SLC9B2: variants seen among roughly 807,000 people sequenced by gnomAD.
The protein encoded by SLC9B2 is sodium/hydrogen exchanger 9B2.
Under a neutral mutation model 52.2 loss-of-function variants are expected in SLC9B2, and 39 were observed. The observed-to-expected ratio is 0.75, with a 90% CI of 0.58 to 0.98. The LOEUF (loss-of-function observed/expected upper bound fraction) is 0.98, where lower values mean the gene tolerates loss of function less well. Among genes scored for constraint, SLC9B2 ranks in the 50% least tolerant of loss-of-function variants. The probability of loss-of-function intolerance (pLI) is 0.00; values close to 1 mark genes in which losing one functional copy is unlikely to be tolerated. For synonymous variants in SLC9B2, 214 were observed against 227.0 expected, an observed-to-expected ratio of 0.94 and a Z score of 0.51; for missense variants, 626 against 637.5, an observed-to-expected ratio of 0.98 and a Z score of 0.19.
chr4:103,059,053 C>T (rs532992806), intron 3 of SLC9B2, among the ~76,000 whole-genome samples: 5 of 151,984 alleles, frequency 3.3e-5, no homozygotes, highest in South Asian at 2.1e-4. Context: ...TGTTACACAG[C>T]GATACCCTGC....
At chr4:103,063,804 G>A (rs1411090289) in intron 3 of SLC9B2, among the ~76,000 whole-genome samples, 1 of 152,156 alleles carries the variant, frequency 6.6e-6, no homozygotes, top group Non-Finnish European at 1.5e-5. Context: ...CTGGCAAGGA[G>A]TTAATGTCCA....
intron 6 of SLC9B2, chr4:103,048,525 T>C (rs72939322): frequency 0.018 from 2,825 of 158,434 alleles, 77 homozygotes; most frequent in African/African-American, 0.06. Flanking sequence ...ACAGCAGAAC[T>C]GCCAAGTCAT....
intron 3 of SLC9B2, 53 bp downstream of exon 3, chr4:103,066,274 C>T (rs1746110575): frequency 6.4e-7 from 1 of 1,560,520 alleles, no homozygotes; most frequent in Non-Finnish European, 8.7e-7. Context: ...ATTTAGTAAT[C>T]TGCCATTATA....
intron 9 of SLC9B2, among the ~76,000 whole-genome samples, chr4:103,039,649 CTTTT>C (rs11464004): frequency 3.9e-5 from 5 of 129,172 alleles, no homozygotes; most frequent in Admixed American, 8.0e-5. Context: ...ATGGTATATT[CTTTT>C]TTTTTTTTTT....
chr4:103,068,267 C>A (rs769623016), intron 1 of SLC9B2, among the ~76,000 whole-genome samples: 3 of 152,184 alleles, frequency 2.0e-5, no homozygotes, highest in Admixed American at 2.0e-4. Context: ...GCTCAATAAA[C>A]ACTCACTTCA....
intron 4 of SLC9B2, among the ~76,000 whole-genome samples, chr4:103,053,634 C>T (rs1384277690): frequency 6.6e-6 from 1 of 152,042 alleles, no homozygotes; most frequent in African/African-American, 2.4e-5. Context: ...CTTTTTAAAA[C>T]TTCTGATGTC....
At chr4:103,057,273 T>TATATAC (rs1220375909) in intron 4 of SLC9B2, among the ~76,000 whole-genome samples, 142 of 143,256 alleles carry the variant, frequency 9.9e-4, no homozygotes, top group Admixed American at 2.5e-3. Flanking sequence ...TATATATATA[T>TATATAC]ACACACACAC....
Position 103,064,650 on chromosome 4 carries a change from A to G in SLC9B2, c.271+1677T>C, listed in dbSNP as rs560006473. On this transcript the variant is annotated intron_variant, in intron 3 of 11. Transcript: ENST00000394785. ...ACAGAAGATTTTCTATGTTCTCACC[A>G]TGAAGAAACGATAAATGCTTCATGT... is the stretch of plus-strand genomic sequence containing the variant. Among the ~76,000 whole-genome samples, 6 of 152,330 alleles carry G rather than the reference A, an allele frequency of 3.9e-5. No homozygotes were observed. The South Asian group carries it at 1.2e-3, about 32-fold the overall frequency.
intron 6 of SLC9B2, 145 bp downstream of exon 6, chr4:103,048,735 CTATGTTTTGAAGT>C (rs1218257859): frequency 7.6e-6 from 7 of 924,554 alleles, no homozygotes; most frequent in Non-Finnish European, 1.1e-5. Context: ...AACACATAAA[CTATGTTTTGAAGT>C]TAGAATATTT....
chr4:103,062,373 C>T (rs1039357765), intron 3 of SLC9B2, among the ~76,000 whole-genome samples: 21 of 149,930 alleles, frequency 1.4e-4, no homozygotes, highest in African/African-American at 5.2e-4. Flanking sequence ...GAGCCGAGAT[C>T]GAGCCATTGC....
At chr4:103,019,628 C>T (rs1741646317), downstream of SLC9B2, 1 of 985,500 alleles carries the variant, frequency 1.0e-6, no homozygotes, top group Non-Finnish European at 1.2e-6. Flanking sequence ...CCTCGCTGGC[C>T]CGGGAGCGGC....
rs1165845753 is a variant in SLC9B2, at chr4:103,023,470, G to T, written c.*2900C>A. Among the ~76,000 whole-genome samples the T allele has an allele frequency of 6.6e-6, 1 of 152,168 alleles. No homozygotes were observed. The highest frequency in any genetic ancestry group is 1.5e-5 in the Non-Finnish European group (1 of 68,040). On this transcript the variant is annotated 3_prime_UTR_variant, in exon 12 of 12. Coordinates refer to ENST00000394785, the MANE Select transcript of SLC9B2 (RefSeq NM_178833.7). ...GTTCACCAACCAAGTCAAGAGATGT[G>T]GCTTTCAATGTGGTGACAAACCCCG...
chr4:103,049,486 GA>G (rs918871877), intron 5 of SLC9B2, among the ~76,000 whole-genome samples: 15 of 151,886 alleles, frequency 9.9e-5, no homozygotes, highest in South Asian at 8.3e-4. Flanking sequence ...AAACATACAT[GA>G]AAAAAAAGCA....
At chr4:103,018,671 G>A (rs1458989185), downstream of SLC9B2, among the ~76,000 whole-genome samples, 1 of 151,698 alleles carries the variant, frequency 6.6e-6, no homozygotes. Flanking sequence ...TAGAGGGGGA[G>A]TGAGGGACCT....
At chr4:103,048,071 T>C (rs954173403) in intron 6 of SLC9B2, among the ~76,000 whole-genome samples, 1 of 152,150 alleles carries the variant, frequency 6.6e-6, no homozygotes, top group Admixed American at 6.5e-5. Flanking sequence ...GGCCTTCTAT[T>C]AGGGCTTGCT....
At chr4:103,049,879 G>T (rs1273648822) in intron 5 of SLC9B2, among the ~76,000 whole-genome samples, 1 of 152,168 alleles carries the variant, frequency 6.6e-6, no homozygotes, top group African/African-American at 2.4e-5. Flanking sequence ...GGGTGTGGTA[G>T]TGCATGTCTG....
intron 9 of SLC9B2, among the ~76,000 whole-genome samples, 160 bp downstream of exon 9, chr4:103,043,136 G>A (rs1404310906): frequency 2.0e-5 from 3 of 151,454 alleles, no homozygotes; most frequent in Non-Finnish European, 4.4e-5. Context: ...TGTGTAAGGG[G>A]AAAAAAAAGA....
intron 4 of SLC9B2, among the ~76,000 whole-genome samples, chr4:103,051,641 A>G (rs1333213077): frequency 6.6e-6 from 1 of 152,248 alleles, no homozygotes; most frequent in African/African-American, 2.4e-5. Flanking sequence ...CAAAATGTAA[A>G]GTGACAAGTA....
chr4:103,019,535 G>C (rs1214113843), downstream of SLC9B2: 10 of 974,644 alleles, frequency 1.0e-5, no homozygotes, highest in Non-Finnish European at 1.2e-5. Flanking sequence ...GGAAACGATC[G>C]CGGCAGACCC....
Sources: allele counts gnomAD v4.1 joint callset (sites outside exome capture counted in the v4.1 genomes callset), GRCh38; gene constraint gnomAD v4.1.1; transcripts MANE v1.5; gene names NCBI Gene and HGNC (gene_info 2026-07-23, HGNC 2026-07-21).